WDR70: variants seen among roughly 807,000 people sequenced by gnomAD.
WDR70 encodes WD repeat-containing protein 70.
WDR70 carries 53 observed loss-of-function variants against 88.6 expected under a neutral mutation model. The ratio of observed to expected loss-of-function variants is 0.60; its 90% CI spans 0.48 to 0.75. WDR70 has a LOEUF of 0.75. WDR70 is among the 30% of genes least tolerant of loss of function. The probability of loss-of-function intolerance (pLI) is 0.00; values close to 1 mark genes in which losing one functional copy is unlikely to be tolerated. For missense variants in WDR70, 610 were observed against 823.2 expected, an observed-to-expected ratio of 0.74 and a Z score of 3.17; for synonymous variants, 280 against 270.0, an observed-to-expected ratio of 1.04 and a Z score of -0.36.
At chr5:37,551,149 C>CA (rs1385284572) in intron 9 of WDR70, among the ~76,000 whole-genome samples, 3 of 151,704 alleles carry the variant, frequency 2.0e-5, no homozygotes, top group South Asian at 2.1e-4. Flanking sequence ...ACTAAAAATA[C>CA]AAAAAATTAG....
At chr5:37,637,101 G>A (rs1744988759) in intron 10 of WDR70, among the ~76,000 whole-genome samples, 1 of 151,980 alleles carries the variant, frequency 6.6e-6, no homozygotes, top group Non-Finnish European at 1.5e-5. Flanking sequence ...CACCACTTTG[G>A]GAGGCCGAAG....
chr5:37,601,490 A>G (rs1054689626), intron 9 of WDR70, among the ~76,000 whole-genome samples: 1 of 152,096 alleles, frequency 6.6e-6, no homozygotes, highest in African/African-American at 2.4e-5. Flanking sequence ...TTTCTTTTTT[A>G]TAGTATCCTT....
intron 5 of WDR70, among the ~76,000 whole-genome samples, chr5:37,416,829 C>T (rs1304177594): frequency 3.3e-5 from 5 of 152,158 alleles, no homozygotes; most frequent in African/African-American, 1.2e-4. Context: ...CCAGCCTTGG[C>T]CTCCTAAAGT....
intron 8 of WDR70, among the ~76,000 whole-genome samples, chr5:37,510,625 C>T (rs1452260025): frequency 1.3e-5 from 2 of 152,104 alleles, no homozygotes; most frequent in East Asian, 1.9e-4. Flanking sequence ...ACATTGATAA[C>T]GTATTATTAT....
At chr5:37,436,797 A>G (rs1275147085) in intron 5 of WDR70, among the ~76,000 whole-genome samples, 4 of 152,048 alleles carry the variant, frequency 2.6e-5, no homozygotes, top group Admixed American at 1.3e-4. Flanking sequence ...TATGGTAAGT[A>G]TTAATACTTT....
At chr5:37,622,649 C>G (rs992366129) in intron 10 of WDR70, among the ~76,000 whole-genome samples, 12 of 151,988 alleles carry the variant, frequency 7.9e-5, no homozygotes, top group African/African-American at 2.7e-4. Context: ...GGACAAAAAA[C>G]CAAACACCGC....
intron 17 of WDR70, among the ~76,000 whole-genome samples, chr5:37,747,060 A>G (rs934945422): frequency 2.6e-5 from 4 of 152,194 alleles, no homozygotes; most frequent in Non-Finnish European, 5.9e-5. Context: ...CACATCAAAA[A>G]ACTTAATCCA....
At chr5:37,543,989 C>G (rs536176652) in intron 9 of WDR70, among the ~76,000 whole-genome samples, 121 of 152,256 alleles carry the variant, frequency 7.9e-4, no homozygotes, top group African/African-American at 2.9e-3. Context: ...CCAGTCTGGT[C>G]TCGAACTCCT....
intron 4 of WDR70, among the ~76,000 whole-genome samples, chr5:37,395,806 A>G (rs1427726401): frequency 6.6e-6 from 1 of 151,910 alleles, no homozygotes; most frequent in African/African-American, 2.4e-5. Context: ...AATTTTTATT[A>G]TATATCTGTA....
At chr5:37,582,704 A>G (rs1743252510) in intron 9 of WDR70, among the ~76,000 whole-genome samples, 1 of 152,270 alleles carries the variant, frequency 6.6e-6, no homozygotes, top group Non-Finnish European at 1.5e-5. Context: ...TGCTGATATA[A>G]TACAGACCTA....
chr5:37,430,704 G>A (rs1224697327), intron 5 of WDR70, among the ~76,000 whole-genome samples: 1 of 151,962 alleles, frequency 6.6e-6, no homozygotes, highest in Non-Finnish European at 1.5e-5. Flanking sequence ...GGGATTACAA[G>A]CCTGCGCCAC....
intron 17 of WDR70, among the ~76,000 whole-genome samples, chr5:37,747,119 C>T (rs774228349): frequency 9.9e-5 from 15 of 151,992 alleles, no homozygotes; most frequent in Non-Finnish European, 2.1e-4. Flanking sequence ...GTTCAACATA[C>T]GTAAATCAAT....
intron 7 of WDR70, among the ~76,000 whole-genome samples, chr5:37,449,602 AATAAAAAATAAAAAATAAAT>A (rs1738603099): frequency 7.0e-5 from 2 of 28,748 alleles, no homozygotes; most frequent in Admixed American, 4.4e-4. Context: ...AAAAAAAAAA[AATAAAAAATAAAAAATAAAT>A]AAATAAATAA....
chr5:37,639,537 G>A (rs1306372354), intron 10 of WDR70, among the ~76,000 whole-genome samples: 1 of 152,108 alleles, frequency 6.6e-6, no homozygotes, highest in Non-Finnish European at 1.5e-5. Flanking sequence ...TGTTGTTGTT[G>A]TTGTTGTTTT....
rs199766985 is a variant in WDR70, at chr5:37,489,611, GCA to G, written c.840+9625_840+9626del. On this transcript the variant is annotated intron_variant, in intron 8 of 17. Coordinates refer to ENST00000265107, the MANE Select transcript of WDR70 (RefSeq NM_018034.4). The stretch of plus-strand genomic sequence containing the variant: ...CTTTAGATGGCATGCTTAGGCACTG[GCA>G]GTAGGTTTTCTGGCCTGTTATTATG... Among the ~76,000 whole-genome samples the G allele has an allele frequency of 7.4e-3, 1,120 of 152,190 alleles. 17 individuals are homozygous for G. The highest frequency in any genetic ancestry group is 0.025 in the African/African-American group (1,054 of 41,516).
intron 9 of WDR70, among the ~76,000 whole-genome samples, chr5:37,577,233 G>A (rs1743085763): frequency 6.6e-6 from 1 of 152,126 alleles, no homozygotes; most frequent in Non-Finnish European, 1.5e-5. Flanking sequence ...ATAGGATGAT[G>A]ATGATAATGA....
chr5:37,707,290 T>TA (rs1747356485), intron 13 of WDR70, among the ~76,000 whole-genome samples: 1 of 152,204 alleles, frequency 6.6e-6, no homozygotes, highest in African/African-American at 2.4e-5. Context: ...ATGGTCTCTG[T>TA]ACCTCATTCA....
intron 8 of WDR70, among the ~76,000 whole-genome samples, chr5:37,491,077 C>T (rs1740054556): frequency 1.3e-5 from 2 of 152,096 alleles, no homozygotes; most frequent in African/African-American, 4.8e-5. Context: ...TTATACCAGT[C>T]TCAGCTTGTC....
At chr5:37,527,662 C>T (rs1741332188) in intron 9 of WDR70, among the ~76,000 whole-genome samples, 1 of 152,252 alleles carries the variant, frequency 6.6e-6, no homozygotes, top group South Asian at 2.1e-4. Context: ...AGCTTCTGCA[C>T]AGCAAAAGAA....
Sources: gnomAD v4.1 joint callset for allele counts (sites outside exome capture counted in the v4.1 genomes callset) on GRCh38, gnomAD v4.1.1 for gene constraint, MANE v1.5 for transcripts, NCBI Gene and HGNC (gene_info 2026-07-23, HGNC 2026-07-21) for gene names.